Variants in ANAPC10 observed in about 807,000 individuals in gnomAD.
ANAPC10 encodes the protein anaphase-promoting complex subunit 10.
Under a neutral mutation model 22.0 loss-of-function variants are expected in ANAPC10, and 12 were observed. The observed-to-expected ratio is 0.55, with a 90% CI of 0.35 to 0.88. The LOEUF (loss-of-function observed/expected upper bound fraction) is 0.88, where lower values mean the gene tolerates loss of function less well. ANAPC10 is among the 40% of genes least tolerant of loss of function. The probability of loss-of-function intolerance (pLI) is 0.01; values close to 1 mark genes in which losing one functional copy is unlikely to be tolerated. For missense variants in ANAPC10, 188 were observed against 220.9 expected (o/e 0.85, Z 0.94); for synonymous variants, 65 against 69.5 (o/e 0.94, Z 0.32).
intron 4 of ANAPC10, among the ~76,000 whole-genome samples, chr4:145,016,148 G>A (rs919131518): frequency 2.6e-5 from 4 of 152,038 alleles, no homozygotes; most frequent in African/African-American, 4.8e-5. Flanking sequence ...AGAAATAAAG[G>A]GTATTCAATT....
chr4:145,062,753 T>C (rs1219745794), intron 4 of ANAPC10, among the ~76,000 whole-genome samples: 1 of 152,200 alleles, frequency 6.6e-6, no homozygotes, highest in Non-Finnish European at 1.5e-5. Context: ...ATAGCTAAGA[T>C]ATAGAATCAA....
chr4:145,029,837 T>C (rs1451365367), intron 4 of ANAPC10, among the ~76,000 whole-genome samples: 1 of 152,102 alleles, frequency 6.6e-6, no homozygotes, highest in Admixed American at 6.6e-5. Context: ...CCAGAAGATA[T>C]ACCCTTGACC....
intron 3 of ANAPC10, among the ~76,000 whole-genome samples, chr4:145,066,359 G>A (rs1743682141): frequency 6.6e-6 from 1 of 152,132 alleles, no homozygotes; most frequent in African/African-American, 2.4e-5. Flanking sequence ...AAGGAGACAG[G>A]AGAGGAAGCA....
intron 4 of ANAPC10, among the ~76,000 whole-genome samples, chr4:145,005,401 A>C (rs954651009): frequency 4.6e-5 from 7 of 151,988 alleles, no homozygotes; most frequent in Admixed American, 4.6e-4. Context: ...TTATTCTTTC[A>C]AATAACCAGC....
intron 4 of ANAPC10, among the ~76,000 whole-genome samples, chr4:145,034,112 A>T (rs1202851789): frequency 6.6e-6 from 1 of 152,152 alleles, no homozygotes; most frequent in Non-Finnish European, 1.5e-5. Flanking sequence ...GCAGATACAT[A>T]TAGGTTCAAG....
At chr4:145,065,097 T>C (rs1743485753) in intron 3 of ANAPC10, among the ~76,000 whole-genome samples, 1 of 152,002 alleles carries the variant, frequency 6.6e-6, no homozygotes, top group East Asian at 1.9e-4. Flanking sequence ...TATTAAATAC[T>C]TGAAAATAAC....
chr4:145,095,445 C>T lies in ANAPC10; in HGVS notation c.115+540G>A, dbSNP rs1325102252. On this transcript the variant is annotated intron_variant, in intron 2 of 4. Transcript: ENST00000507656. ...AGCATATCCACACTGTGTATACTAC[C>T]TGACCGTTAGCCATCAACATCATCT... is the stretch of plus-strand genomic sequence containing the variant. 2.6e-5 allele frequency among the ~76,000 whole-genome samples: 4 copies of T among 152,160 alleles called. No homozygotes were observed. The East Asian group carries it at 7.7e-4, about 29-fold the overall frequency.
At position 145,006,377 on chromosome 4, in the gene ANAPC10, T is replaced by C. The variant is rs138238053; in HGVS notation, c.328-10774A>G. Among the ~76,000 whole-genome samples, 28 of 152,156 alleles carry C rather than the reference T, an allele frequency of 1.8e-4. No homozygotes were observed. In the East Asian group the frequency reaches 4.6e-3, roughly 25 times the overall value. On this transcript the variant is annotated intron_variant, in intron 4 of 4. Transcript: ENST00000507656. ...GGCAGATCCCTTTACCTTCAGACTA[T>C]GGGTATCATTGCATGAGATATGGGT...
intron 4 of ANAPC10, chr4:145,053,796 G>A (rs1193949974): frequency 1.1e-5 from 7 of 631,828 alleles, no homozygotes; most frequent in East Asian, 5.7e-5. Flanking sequence ...AAAAAAAAAA[G>A]GTTCCTGACT....
chr4:145,097,957 T>G (rs1355095064), intron 1 of ANAPC10, 163 bp downstream of exon 1: 2 of 190,324 alleles, frequency 1.1e-5, no homozygotes, highest in East Asian at 3.0e-4. Context: ...CAGACTCTGT[T>G]GGTCCTACTG....
chr4:145,029,787 G>A (rs1203153097), intron 4 of ANAPC10, among the ~76,000 whole-genome samples: 1 of 152,124 alleles, frequency 6.6e-6, no homozygotes, highest in African/African-American at 2.4e-5. Context: ...TGGGGTAGTG[G>A]ATTAGTCACT....
At chr4:145,017,190 C>A (rs1159557472) in intron 4 of ANAPC10, among the ~76,000 whole-genome samples, 1 of 152,068 alleles carries the variant, frequency 6.6e-6, no homozygotes, top group Admixed American at 6.5e-5. Context: ...AGGCAACCTA[C>A]AGAATTGGAG....
intron 4 of ANAPC10, among the ~76,000 whole-genome samples, chr4:145,007,231 C>T (rs372131460): frequency 4.6e-5 from 7 of 152,116 alleles, no homozygotes; most frequent in Non-Finnish European, 7.4e-5. Context: ...GACACATCTA[C>T]GAGACAGAAG....
chr4:145,015,038 C>T (rs983167647), intron 4 of ANAPC10, among the ~76,000 whole-genome samples: 4 of 151,866 alleles, frequency 2.6e-5, no homozygotes, highest in Admixed American at 1.3e-4. Context: ...TCCTTAACAC[C>T]CCCCAAAAAA....
chr4:145,024,186 T>C (rs1277444198), intron 4 of ANAPC10, among the ~76,000 whole-genome samples: 1 of 152,220 alleles, frequency 6.6e-6, no homozygotes, highest in East Asian at 1.9e-4. Flanking sequence ...TCTCTTGCTA[T>C]TTCCAATGCA....
intron 2 of ANAPC10, among the ~76,000 whole-genome samples, chr4:145,087,399 C>T (rs1431971715): frequency 6.6e-6 from 1 of 152,028 alleles, no homozygotes; most frequent in African/African-American, 2.4e-5. Context: ...TTCTGTTGCC[C>T]TGGCTGGAGT....
In ANAPC10 at chr4:145,018,915, A is replaced by G. The variant is rs542222925; in HGVS notation, c.328-23312T>C. ...GAAAATACCACAATCCTAAACATATATGCACATAACACTGGAGTCCCCAAA... is the reference window on the plus strand; with the variant it reads ...GAAAATACCACAATCCTAAACATATGTGCACATAACACTGGAGTCCCCAAA... On this transcript the variant is annotated intron_variant, in intron 4 of 4. Transcript: ENST00000507656. 4.3e-4 allele frequency among the ~76,000 whole-genome samples: 66 copies of G among 152,316 alleles called. 2 individuals are homozygous for G. In the South Asian group the frequency reaches 0.011, roughly 25 times the overall value.
intron 4 of ANAPC10, among the ~76,000 whole-genome samples, chr4:145,061,537 G>C (rs1742889458): frequency 6.6e-6 from 1 of 152,152 alleles, no homozygotes; most frequent in Admixed American, 6.5e-5. Flanking sequence ...GTGACATCTA[G>C]AGGAGGTTTC....
At chr4:145,020,897 C>T (rs1735878600) in intron 4 of ANAPC10, among the ~76,000 whole-genome samples, 1 of 151,290 alleles carries the variant, frequency 6.6e-6, no homozygotes, top group African/African-American at 2.4e-5. Context: ...ACCCAGGAGG[C>T]AAAAGACCTC....
Sources: allele counts gnomAD v4.1 joint callset (sites outside exome capture counted in the v4.1 genomes callset), GRCh38; gene constraint gnomAD v4.1.1; transcripts MANE v1.5; gene names NCBI Gene and HGNC (gene_info 2026-07-23, HGNC 2026-07-21).